FRMD4A: variants seen among roughly 807,000 people sequenced by gnomAD.
FRMD4A encodes the protein FERM domain containing 4A.
FRMD4A carries 29 observed loss-of-function variants against 129.1 expected under a neutral mutation model. The ratio of observed to expected loss-of-function variants is 0.22; its 90% CI spans 0.17 to 0.31. The LOEUF (loss-of-function observed/expected upper bound fraction) is 0.31. Ranked by LOEUF, FRMD4A falls within the 10% of genes least tolerant of loss-of-function variation. The pLI, the probability that FRMD4A is intolerant of heterozygous loss-of-function variation, is 1.00. For missense variants in FRMD4A, 1,272 were observed against 1,375.8 expected, an observed-to-expected ratio of 0.92 and a Z score of 1.19; for synonymous variants, 634 against 571.6, an observed-to-expected ratio of 1.11 and a Z score of -1.56.
At chr10:13,722,403 A>T (rs889551483) in intron 12 of FRMD4A, among the ~76,000 whole-genome samples, 2 of 151,324 alleles carry the variant, frequency 1.3e-5, no homozygotes, top group Non-Finnish European at 2.9e-5. Flanking sequence ...GGCTAATTAA[A>T]AAAAAAAATT....
chr10:14,323,796 C>T (rs949825639), intron 2 of FRMD4A, among the ~76,000 whole-genome samples: 3 of 152,110 alleles, frequency 2.0e-5, no homozygotes, highest in African/African-American at 4.8e-5. Flanking sequence ...GTAATTGGCC[C>T]GCGAAGAGCC....
At chr10:14,016,981 A>C (rs367668773) in intron 2 of FRMD4A, among the ~76,000 whole-genome samples, 2 of 152,364 alleles carry the variant, frequency 1.3e-5, no homozygotes, top group Admixed American at 6.5e-5. Context: ...CACAAGCTGC[A>C]GATGGATTTT....
At chr10:13,878,295 G>GAGAT (rs1168816001) in intron 2 of FRMD4A, among the ~76,000 whole-genome samples, 2 of 149,956 alleles carry the variant, frequency 1.3e-5, no homozygotes, top group East Asian at 3.9e-4. Flanking sequence ...AGGAAGGAGA[G>GAGAT]AGATGTTTTT....
intron 2 of FRMD4A, among the ~76,000 whole-genome samples, chr10:14,277,614 C>T (rs978143167): frequency 3.3e-5 from 5 of 152,168 alleles, no homozygotes; most frequent in African/African-American, 7.2e-5. Flanking sequence ...TATAGCAGCC[C>T]GAACAAACCA....
At chr10:13,806,068 G>C (rs1368771275) in intron 4 of FRMD4A, among the ~76,000 whole-genome samples, 1 of 151,920 alleles carries the variant, frequency 6.6e-6, no homozygotes, top group African/African-American at 2.4e-5. Context: ...ATGTTGCCAG[G>C]GTGATCTCGA....
At chr10:13,772,200 T>C (rs376847410) in intron 6 of FRMD4A, among the ~76,000 whole-genome samples, 1 of 130,338 alleles carries the variant, frequency 7.7e-6, no homozygotes, top group Non-Finnish European at 1.7e-5. Flanking sequence ...TATATAATAA[T>C]AAATATTTAT....
intron 2 of FRMD4A, among the ~76,000 whole-genome samples, chr10:14,095,248 C>A (rs557775168): frequency 6.8e-4 from 103 of 152,224 alleles, no homozygotes; most frequent in African/African-American, 2.4e-3. Context: ...TGACACTTCT[C>A]CCCACCAGCT....
At chr10:13,712,780 G>A (rs1335364943) in intron 12 of FRMD4A, among the ~76,000 whole-genome samples, 3 of 152,310 alleles carry the variant, frequency 2.0e-5, no homozygotes, top group East Asian at 1.9e-4. Flanking sequence ...ACTTATCCAC[G>A]GAGTGCAAAC....
intron 2 of FRMD4A, among the ~76,000 whole-genome samples, chr10:14,107,230 A>G (rs1396147248): frequency 6.6e-6 from 1 of 152,200 alleles, no homozygotes. Flanking sequence ...ACAAGGGTTG[A>G]AAAACTACCT....
chr10:13,717,930 CA>C (rs1350766071), intron 12 of FRMD4A, among the ~76,000 whole-genome samples: 3 of 152,008 alleles, frequency 2.0e-5, no homozygotes, highest in African/African-American at 7.2e-5. Context: ...TCACCCATAA[CA>C]AAAAGAAAAC....
intron 2 of FRMD4A, among the ~76,000 whole-genome samples, chr10:14,275,140 G>C (rs1360432188): frequency 6.6e-6 from 1 of 152,270 alleles, no homozygotes; most frequent in African/African-American, 2.4e-5. Context: ...GAATTCTCCT[G>C]GGTGTCAGGC....
chr10:13,957,456 T>C (rs1315567804), intron 2 of FRMD4A, among the ~76,000 whole-genome samples: 2 of 152,118 alleles, frequency 1.3e-5, no homozygotes, highest in Admixed American at 6.5e-5. Context: ...GGTTTCACCA[T>C]GTTGACCAGG....
At chr10:14,060,806 C>G (rs557831776) in intron 2 of FRMD4A, among the ~76,000 whole-genome samples, 7 of 152,108 alleles carry the variant, frequency 4.6e-5, no homozygotes, top group Non-Finnish European at 1.0e-4. Context: ...AGAGGAAATA[C>G]AGATGAATCT....
At chr10:14,061,607 CT>C (rs2131702846) in intron 2 of FRMD4A, among the ~76,000 whole-genome samples, 2 of 152,230 alleles carry the variant, frequency 1.3e-5, no homozygotes, top group African/African-American at 4.8e-5. Flanking sequence ...ACTTTTCTAT[CT>C]AATAGATCAC....
chr10:14,197,947 G>A (rs2131934549), intron 2 of FRMD4A, among the ~76,000 whole-genome samples: 1 of 152,270 alleles, frequency 6.6e-6, no homozygotes, highest in South Asian at 2.1e-4. Flanking sequence ...CTAACTGCTT[G>A]CCTGGAGTTT....
At chr10:14,317,754 C>T (rs555679108) in intron 2 of FRMD4A, among the ~76,000 whole-genome samples, 69 of 28,272 alleles carry the variant, frequency 2.4e-3, no homozygotes, top group Middle Eastern at 0.034. Flanking sequence ...AGACAAGAGA[C>T]GGAAAAAAAA....
chr10:14,188,330 C>T (rs1185676170), intron 2 of FRMD4A, among the ~76,000 whole-genome samples: 1 of 152,110 alleles, frequency 6.6e-6, no homozygotes, highest in Non-Finnish European at 1.5e-5. Context: ...GAATGCTTCC[C>T]ACTGAAATCC....
At chr10:13,715,003 C>T (rs542124416) in intron 12 of FRMD4A, among the ~76,000 whole-genome samples, 1 of 152,128 alleles carries the variant, frequency 6.6e-6, no homozygotes, top group South Asian at 2.1e-4. Flanking sequence ...CATGCCACTG[C>T]ACTCCAGCCT....
Position 13,839,761 on chromosome 10 carries a change from G to A in FRMD4A, c.111+19086C>T, listed in dbSNP as rs549348808. On this transcript the variant is annotated intron_variant, in intron 3 of 24. Coordinates refer to ENST00000357447, the MANE Select transcript of FRMD4A (RefSeq NM_018027.5). The stretch of plus-strand genomic sequence containing the variant: ...TGAGCCACCAGCCATGTCCCGCAGT[G>A]CTTGAGATTGGGAGGAGTGGACTCC... Among the ~76,000 whole-genome samples the A allele has an allele frequency of 3.2e-4, 48 of 152,326 alleles. 1 individual carries two copies. Among genetic ancestry groups the A allele is most frequent in the African/African-American group, 1.1e-3 (47 of 41,588 alleles).
Sources: gnomAD v4.1 joint callset for allele counts (sites outside exome capture counted in the v4.1 genomes callset) on GRCh38, gnomAD v4.1.1 for gene constraint, MANE v1.5 for transcripts, NCBI Gene and HGNC (gene_info 2026-07-23, HGNC 2026-07-21) for gene names.